The following GON7 variants were observed in gnomAD, a reference collection of about 807,000 sequenced individuals.
GON7 encodes EKC/KEOPS complex subunit GON7.
Under a neutral mutation model 7.6 loss-of-function variants are expected in GON7, and 2 were observed. That is an observed-to-expected ratio of 0.26 (90% CI 0.11 to 0.83). GON7 has a LOEUF of 0.83. GON7 is among the 40% of genes least tolerant of loss of function. The pLI is 0.65. For missense variants in GON7, 121 were observed against 132.2 expected, an observed-to-expected ratio of 0.92 and a Z score of 0.42; for synonymous variants, 54 against 56.6, an observed-to-expected ratio of 0.95 and a Z score of 0.20.
chr14:93,203,827 G>GA, intron 1 of GON7, 45 bp from the exon 2 acceptor site: 1 of 1,460,474 alleles, frequency 6.8e-7, no homozygotes, highest in Admixed American at 1.7e-5. Flanking sequence ...TTCTATGGCT[G>GA]AAAGAAATAT....
chr14:93,205,101 T>C (rs1020070893), intron 1 of GON7, among the ~76,000 whole-genome samples: 1 of 152,260 alleles, frequency 6.6e-6, no homozygotes, highest in African/African-American at 2.4e-5. Context: ...TGCTGGGTCA[T>C]ATGGTAACTT....
intron 1 of GON7, among the ~76,000 whole-genome samples, chr14:93,205,369 G>C (rs555630298): frequency 6.6e-6 from 1 of 152,128 alleles, no homozygotes; most frequent in South Asian, 2.1e-4. Flanking sequence ...AGCTCAGGAC[G>C]GTTAAAATGT....
At position 93,202,929 on chromosome 14, in the gene GON7, A is replaced by T. The variant is rs967605997; in HGVS notation, c.*759T>A. 6.6e-6 allele frequency: 1 copy of T among 152,214 alleles called. No individual in the cohort carries two copies. Among genetic ancestry groups the T allele is most frequent in the African/African-American group, 2.4e-5 (1 of 41,452 alleles). The allele number at this position is 152,214 out of a possible 1,614,324, so 9.4% of individuals were successfully genotyped here. ...ATATATATTTTTAAAAGGATTCAATAATCTTTTTAAAGCAAAATCAAAGTA... is the reference window on the plus strand; with the variant it reads ...ATATATATTTTTAAAAGGATTCAATTATCTTTTTAAAGCAAAATCAAAGTA... On this transcript the variant is annotated 3_prime_UTR_variant, in exon 2 of 2. Transcript: ENST00000306954.
chr14:93,204,469 A>G (rs1037132574), intron 1 of GON7, among the ~76,000 whole-genome samples: 16 of 151,998 alleles, frequency 1.1e-4, no homozygotes, highest in African/African-American at 3.9e-4. Flanking sequence ...TTTCCCCCTT[A>G]TTAGAGATAG....
In GON7 at chr14:93,203,233, C is replaced by T. The variant is rs1214140817; in HGVS notation, c.*455G>A. 1 of 153,520 alleles carries T rather than the reference C, an allele frequency of 6.5e-6. No homozygotes were observed. Among genetic ancestry groups the T allele is most frequent in the African/African-American group, 2.4e-5 (1 of 41,480 alleles). The allele number at this position is 153,520 out of a possible 1,614,324, so 9.5% of individuals were successfully genotyped here. A position where few individuals can be genotyped will look rare whatever the true frequency, so the allele number is the denominator to read the frequency against. ...GTATTTCTATTTCCTTATTTTCCTTCTGTTTATGAAGAACTGTTATTTTTA... is the reference window on the plus strand; with the variant it reads ...GTATTTCTATTTCCTTATTTTCCTTTTGTTTATGAAGAACTGTTATTTTTA... On this transcript the variant is annotated 3_prime_UTR_variant, in exon 2 of 2. Transcript: ENST00000306954.
In GON7 at chr14:93,207,019, AC is replaced by A; in HGVS notation, c.18del (p.Glu6AspfsTer35). The A allele has an allele frequency of 6.2e-7, 1 of 1,613,088 alleles. No individual in the cohort carries two copies. The highest frequency in any genetic ancestry group is 8.5e-7 in the Non-Finnish European group (1 of 1,179,876). Reference sequence around the variant, plus strand: ...TGCGGCTTCCCTTCCTGCCCGACGTACTCTCCCAGCAGCTCCATGGTGACCG... The same window carrying A: ...TGCGGCTTCCCTTCCTGCCCGACGTATCTCCCAGCAGCTCCATGGTGACCG... The part of the protein sequence containing the change: MELLG[E>X]YVGQEGKPQK... On this transcript the variant is annotated frameshift_variant, in exon 1 of 2. Transcript: ENST00000306954. LOFTEE classifies it high-confidence loss of function.
At chr14:93,204,503 G>A (rs772415619) in intron 1 of GON7, among the ~76,000 whole-genome samples, 3 of 152,014 alleles carry the variant, frequency 2.0e-5, no homozygotes, top group Non-Finnish European at 4.4e-5. Flanking sequence ...TGCCCAGCTA[G>A]ACTCAAACTC....
In GON7 at chr14:93,206,909, C is replaced by A; in HGVS notation, c.129G>T (p.Met43Ile). The A allele has an allele frequency of 6.2e-7, 1 of 1,614,226 alleles. No homozygotes were observed. Among genetic ancestry groups the A allele is most frequent in the Non-Finnish European group, 8.5e-7 (1 of 1,180,038 alleles). ...LLSGVAQMKDMVTELFDPLVQ... is the reference protein window; with the variant it reads ...LLSGVAQMKDIVTELFDPLVQ... ...CCAGAGGGTCGAATAATTCCGTTAC[C>A]ATGTCCTTCATCTGGGCCACGCCAG... The change falls in exon 1 of 2, where the codon ATG becomes ATT. Residue 43 changes from methionine to isoleucine, a missense_variant. Met to Ile is a conservative substitution (Grantham distance 10). Transcript: ENST00000306954.
rs1894283312 is a variant in GON7, at chr14:93,203,193, TCTC to T, written c.*492_*494del. 1 of 153,242 alleles carries T rather than the reference TCTC, an allele frequency of 6.5e-6. No individual in the cohort carries two copies. The highest frequency in any genetic ancestry group is 6.5e-5 in the Admixed American group (1 of 15,466). 9.5% of individuals were successfully genotyped at this position (153,242 alleles called of 1,614,324 possible). A position where few individuals can be genotyped will look rare whatever the true frequency, so the allele number is the denominator to read the frequency against. On this transcript the variant is annotated 3_prime_UTR_variant, in exon 2 of 2. Coordinates refer to ENST00000306954, the MANE Select transcript of GON7 (RefSeq NM_032490.5). Reference sequence around the variant, plus strand: ...GTTTCCTTGGGTCTCTTTCAAGGACTCTCCTTTCTCGTCGGTATTTCTATTTCC... The same window carrying T: ...GTTTCCTTGGGTCTCTTTCAAGGACTCTTTCTCGTCGGTATTTCTATTTCC...
At position 93,207,034 on chromosome 14, in the gene GON7, C is replaced by G. The variant is rs1168798820; in HGVS notation, c.4G>C (p.Glu2Gln). ...TGCCCGACGTACTCTCCCAGCAGCTCCATGGTGACCGCTAAGCTTCCAGAA... is the reference window on the plus strand; with the variant it reads ...TGCCCGACGTACTCTCCCAGCAGCTGCATGGTGACCGCTAAGCTTCCAGAA... M[E>Q]LLGEYVGQEG... The change falls in exon 1 of 2, where the codon GAG becomes CAG. Residue 2 changes from glutamate to glutamine, a missense_variant. Glu to Gln is a conservative substitution (Grantham distance 29, BLOSUM62 2). Coordinates refer to ENST00000306954, the MANE Select transcript of GON7 (RefSeq NM_032490.5). 6.2e-7 allele frequency: 1 copy of G among 1,612,796 alleles called. No homozygotes were observed. Among genetic ancestry groups the G allele is most frequent in the African/African-American group, 1.3e-5 (1 of 74,900 alleles).
intron 1 of GON7, among the ~76,000 whole-genome samples, chr14:93,205,824 C>T (rs1158148846): frequency 6.6e-6 from 1 of 152,180 alleles, no homozygotes; most frequent in African/African-American, 2.4e-5. Context: ...AAGTCTGTCC[C>T]AGTCTTTGGA....
In GON7 at chr14:93,206,984, C is replaced by T. The variant is rs961924101; in HGVS notation, c.54G>A (p.Arg18=). The part of the protein sequence containing the change: ...VGQEGKPQKL[R]VSCEAPGDGD... ...CGTCACCCGGCGCCTCACAGGACAC[C>T]CGCAGCTTCTGCGGCTTCCCTTCCT... The change falls in exon 1 of 2, where the codon CGG becomes CGA. Residue 18 remains arginine, a synonymous_variant. Transcript: ENST00000306954. 1 of 1,614,198 alleles carries T rather than the reference C, an allele frequency of 6.2e-7. No homozygotes were observed.
At chr14:93,205,500 T>C (rs548649501) in intron 1 of GON7, among the ~76,000 whole-genome samples, 1 of 152,114 alleles carries the variant, frequency 6.6e-6, no homozygotes, top group South Asian at 2.1e-4. Context: ...AAACCCTGTC[T>C]CTACTAAAAA....
rs976583490 is a variant in GON7, at chr14:93,203,469, C to T, written c.*219G>A. 2 of 493,250 alleles carry T rather than the reference C, an allele frequency of 4.1e-6. No homozygotes were observed. Among genetic ancestry groups the T allele is most frequent in the Non-Finnish European group, 7.2e-6 (2 of 277,874 alleles). 30.6% of individuals were successfully genotyped at this position (493,250 alleles called of 1,614,324 possible). ...ATACATTATGAAGTGTTCTATTTTCCTTCCAGGGTCTGAAATTTATTTCTC... is the reference window on the plus strand; with the variant it reads ...ATACATTATGAAGTGTTCTATTTTCTTTCCAGGGTCTGAAATTTATTTCTC... On this transcript the variant is annotated 3_prime_UTR_variant, in exon 2 of 2. Transcript: ENST00000306954.
At position 93,206,928 on chromosome 14, in the gene GON7, A is replaced by G. The variant is rs1220965420; in HGVS notation, c.110T>C (p.Val37Ala). Residue 37 changes from valine (V) to alanine (A), a missense_variant, in exon 1 of 2, where the codon GTG becomes GCG. Transcript: ENST00000306954. ...CGTTACCATGTCCTTCATCTGGGCC[A>G]CGCCAGACAACAGGCCCTGGAAAGG... ...GDPFQGLLSG[V>A]AQMKDMVTEL... 1.2e-6 allele frequency: 2 copies of G among 1,614,168 alleles called. No homozygotes were observed. Among genetic ancestry groups the G allele is most frequent in the South Asian group, 2.2e-5 (2 of 91,088 alleles).
Position 93,203,455 on chromosome 14 carries a change from A to G in GON7, c.*233T>C. On this transcript the variant is annotated 3_prime_UTR_variant, in exon 2 of 2. Coordinates refer to ENST00000306954, the MANE Select transcript of GON7 (RefSeq NM_032490.5). ...ACTTAGAGGATTTTATACATTATGA[A>G]GTGTTCTATTTTCCTTCCAGGGTCT... 4.1e-6 allele frequency: 2 copies of G among 482,840 alleles called. No individual in the cohort carries two copies. The highest frequency in any genetic ancestry group is 4.0e-5 in the South Asian group (1 of 24,732). 29.9% of individuals were successfully genotyped at this position (482,840 alleles called of 1,614,324 possible).
rs1467288759 is a variant in GON7 at position 93,202,990 on chromosome 14, T to A, written c.*698A>T. On this transcript the variant is annotated 3_prime_UTR_variant, in exon 2 of 2. Transcript: ENST00000306954. ...AGGAGAGGAAATATCCAAATTGTAA[T>A]CAATGCAGATTGTTTACTTAAGGCC... The A allele has an allele frequency of 6.6e-6, 1 of 152,202 alleles. No homozygotes were observed. The highest frequency in any genetic ancestry group is 1.5e-5 in the Non-Finnish European group (1 of 68,042). 9.4% of individuals were successfully genotyped at this position (152,202 alleles called of 1,614,324 possible). A position where few individuals can be genotyped will look rare whatever the true frequency, so the allele number is the denominator to read the frequency against.
rs1176939112 is a variant in GON7, at chr14:93,206,881, G to T, written c.157C>A (p.Gln53Lys). Residue 53 changes from glutamine (Q) to lysine (K), a missense_variant, in exon 1 of 2, where the codon CAG becomes AAG. Gln to Lys is a moderately conservative substitution (Grantham distance 53). Coordinates refer to ENST00000306954, the MANE Select transcript of GON7 (RefSeq NM_032490.5). ...MVTELFDPLV[Q>K]GEVQHRVAAA... The stretch of plus-strand genomic sequence containing the variant: ...GCCACCCGGTGCTGCACTTCCCCCT[G>T]TACCAGAGGGTCGAATAATTCCGTT... 1 of 1,614,074 alleles carries T rather than the reference G, an allele frequency of 6.2e-7. No homozygotes were observed. The highest frequency in any genetic ancestry group is 1.3e-5 in the African/African-American group (1 of 74,946).
chr14:93,206,738 C>T (rs1894353028), intron 1 of GON7, 92 bp downstream of exon 1: 1 of 1,319,584 alleles, frequency 7.6e-7, no homozygotes, highest in Non-Finnish European at 1.0e-6. Context: ...TCACTTTGTC[C>T]AAGTCTGCCA....
Sources: gnomAD v4.1 joint callset for allele counts (sites outside exome capture counted in the v4.1 genomes callset) on GRCh38, gnomAD v4.1.1 for gene constraint, MANE v1.5 for transcripts, NCBI Gene and HGNC (gene_info 2026-07-23, HGNC 2026-07-21) for gene names.